The following VWCE variants were observed in gnomAD, a reference collection of about 807,000 sequenced individuals.
VWCE encodes von Willebrand factor C and EGF domain-containing protein.
Under a neutral mutation model 102.9 loss-of-function variants are expected in VWCE, and 68 were observed. The observed-to-expected ratio is 0.66, with a 90% CI of 0.54 to 0.81. The LOEUF is 0.81. Ranked by LOEUF, VWCE falls within the 30% of genes least tolerant of loss-of-function variation. The pLI is 0.00. For missense variants in VWCE, 1,137 were observed against 1,263.6 expected (o/e 0.90, Z 1.52); for synonymous variants, 497 against 515.4 (o/e 0.96, Z 0.48).
At chr11:61,288,484 C>T (rs1274258977) in intron 4 of VWCE, among the ~76,000 whole-genome samples, 1 of 152,158 alleles carries the variant, frequency 6.6e-6, no homozygotes, top group Non-Finnish European at 1.5e-5. Flanking sequence ...CTCTTCCCAA[C>T]AGCTGGACCG....
intron 4 of VWCE, 115 bp downstream of exon 4, chr11:61,290,684 C>T: frequency 8.3e-7 from 1 of 1,212,094 alleles, no homozygotes. Flanking sequence ...ACATCAGAGC[C>T]TATCTTGGCT....
intron 4 of VWCE, 132 bp from the exon 5 acceptor site, chr11:61,286,562 G>T (rs1855334892): frequency 6.5e-6 from 5 of 763,960 alleles, no homozygotes; most frequent in Non-Finnish European, 1.1e-5. Context: ...CAGCACTTTG[G>T]GAGGCCGAGG....
chr11:61,278,243 A>AAT (rs1854990533), intron 10 of VWCE, 151 bp downstream of exon 10: 1 of 827,392 alleles, frequency 1.2e-6, no homozygotes, highest in South Asian at 1.7e-5. Context: ...CCCCTTTTAA[A>AAT]TTCTACAGCT....
Position 61,294,896 on chromosome 11 carries a change from C to T in VWCE, c.110+32G>A, listed in dbSNP as rs934165567. On this transcript the variant is annotated intron_variant, in intron 1 of 19. Coordinates refer to ENST00000335613, the MANE Select transcript of VWCE (RefSeq NM_152718.2). The surrounding 1 kb of genome is among the most constrained non-coding windows in gnomAD (Gnocchi z 6.3). ...TGCACGCCGGTAGCGCTCTCCCGGGCGGGGGAGCGGGGAGGAGCTCCGGGC... is the reference window on the plus strand; with the variant it reads ...TGCACGCCGGTAGCGCTCTCCCGGGTGGGGGAGCGGGGAGGAGCTCCGGGC... The T allele has an allele frequency of 1.0e-5, 14 of 1,346,754 alleles. No homozygotes were observed. The African/African-American group carries it at 1.7e-4, about 16-fold the overall frequency. The allele number at this position is 1,346,754 out of a possible 1,614,324, so 83.4% of individuals were successfully genotyped here.
In VWCE at chr11:61,282,804, G is replaced by C. The variant is rs748242243; in HGVS notation, c.643C>G (p.Arg215Gly). The C allele has an allele frequency of 1.9e-5, 31 of 1,613,988 alleles. No individual in the cohort carries two copies. Among genetic ancestry groups the C allele is most frequent in the Non-Finnish European group, 1.2e-5 (14 of 1,179,988 alleles). Residue 215 changes from arginine to glycine, a missense_variant, in exon 6 of 20, where the codon CGG (arginine) becomes GGG (glycine). Coordinates refer to ENST00000335613, the MANE Select transcript of VWCE (RefSeq NM_152718.2). Reference sequence around the variant, plus strand: ...CCCGCCTTACCTACACAGGAGTGCCGGTTGCCATGAAGGTGGAAGCCAGTT... The same window carrying C: ...CCCGCCTTACCTACACAGGAGTGCCCGTTGCCATGAAGGTGGAAGCCAGTT... ...CRTGFHLHGN[R>G]HSCVDVNECR...
At chr11:61,277,901 C>T (rs1327777313) in intron 10 of VWCE, among the ~76,000 whole-genome samples, 3 of 151,972 alleles carry the variant, frequency 2.0e-5, no homozygotes, top group East Asian at 1.9e-4. Context: ...AGCAGTGGCG[C>T]GATCTCAGCT....
chr11:61,267,222 C>T (rs2134747977), intron 16 of VWCE, among the ~76,000 whole-genome samples: 1 of 152,308 alleles, frequency 6.6e-6, no homozygotes, highest in Admixed American at 6.5e-5. Context: ...CACACCACTG[C>T]ACTCCAACCT....
chr11:61,258,383 T>A lies in VWCE; in HGVS notation c.*292A>T, dbSNP rs1395483845. On this transcript the variant is annotated 3_prime_UTR_variant, in exon 20 of 20. Coordinates refer to ENST00000335613, the MANE Select transcript of VWCE (RefSeq NM_152718.2). ...GAGTGGAATCCCAGCCGGACGCAAC[T>A]CTTCCTCCAGGAGAACTTGGCAGTC... 1 of 279,794 alleles carries A rather than the reference T, an allele frequency of 3.6e-6. No individual in the cohort carries two copies. The highest frequency in any genetic ancestry group is 6.6e-6 in the Non-Finnish European group (1 of 150,920). 17.3% of individuals were successfully genotyped at this position (279,794 alleles called of 1,614,324 possible).
chr11:61,273,536 C>CCAGGAGGGCATCA (rs1854804320), intron 12 of VWCE, among the ~76,000 whole-genome samples: 1 of 152,138 alleles, frequency 6.6e-6, no homozygotes, highest in East Asian at 1.9e-4. Flanking sequence ...GGGTGTGAGC[C>CCAGGAGGGCATCA]CAGGAGGGCA....
chr11:61,294,467 T>C lies in VWCE; in HGVS notation c.110+461A>G, dbSNP rs1855610742. On this transcript the variant is annotated intron_variant, in intron 1 of 19. Coordinates refer to ENST00000335613, the MANE Select transcript of VWCE (RefSeq NM_152718.2). This position sits in a 1 kb window ranked among gnomAD's most constrained non-coding sequence, Gnocchi z 6.3. ...ACACGCACGGACAGAAAACGAAAAG[T>C]GACCCAGAGACCCCGGCTGTTCCAA... Among the ~76,000 whole-genome samples, 1 of 152,068 alleles carries C rather than the reference T, an allele frequency of 6.6e-6. No individual in the cohort carries two copies. The highest frequency in any genetic ancestry group is 6.5e-5 in the Admixed American group (1 of 15,284).
Position 61,280,959 on chromosome 11 carries a change from C to T in VWCE, c.1064G>A (p.Arg355Lys), listed in dbSNP as rs1408830919. 1 of 1,534,564 alleles carries T rather than the reference C, an allele frequency of 6.5e-7. No homozygotes were observed. The highest frequency in any genetic ancestry group is 2.1e-5 in the Admixed American group (1 of 47,536). The change falls in exon 8 of 20, where the codon AGA becomes AAA. Residue 355 changes from arginine (R) to lysine (K), a missense_variant. Transcript: ENST00000335613. ...CTCCCCCTGAAGGAGTGAGGGGGGT[C>T]TGAGGTTCCCCAGCAGGGAGGCAGT... The part of the protein sequence containing the change: ...VPTASLLGNL[R>K]PPSLLQGEVM...
At chr11:61,286,063 C>A (rs1056672971) in intron 5 of VWCE, among the ~76,000 whole-genome samples, 2 of 152,080 alleles carry the variant, frequency 1.3e-5, no homozygotes, top group African/African-American at 2.4e-5. Flanking sequence ...CAGCAGCAGT[C>A]GGTTCTAACT....
chr11:61,294,853 C>T lies in VWCE; in HGVS notation c.110+75G>A. 2 of 1,070,480 alleles carry T rather than the reference C, an allele frequency of 1.9e-6. No individual in the cohort carries two copies. Among genetic ancestry groups the T allele is most frequent in the South Asian group, 5.4e-5 (2 of 36,876 alleles). 66.3% of individuals were successfully genotyped at this position (1,070,480 alleles called of 1,614,324 possible). A position where few individuals can be genotyped will look rare whatever the true frequency, so the allele number is the denominator to read the frequency against. ...GCGGCTGCCTGCGGCTCCTGAGCGC[C>T]CCTCCGCGCCTCTCGACTGCACGCC... On this transcript the variant is annotated intron_variant, in intron 1 of 19. Transcript: ENST00000335613. This position sits in a 1 kb window ranked among gnomAD's most constrained non-coding sequence, Gnocchi z 6.3.
chr11:61,275,535 G>C (rs192232378), intron 11 of VWCE, among the ~76,000 whole-genome samples: 2 of 152,220 alleles, frequency 1.3e-5, no homozygotes, highest in East Asian at 3.9e-4. Flanking sequence ...CACTTAAAAA[G>C]AACACCAGCT....
At chr11:61,281,941 C>A in intron 6 of VWCE, 27 bp from the exon 7 acceptor site, 1 of 1,603,082 alleles carries the variant, frequency 6.2e-7, no homozygotes, top group Non-Finnish European at 8.5e-7. Flanking sequence ...CTGCGGACAG[C>A]TGCTTTGTTT....
rs768146931 is a variant in VWCE, at chr11:61,258,583, C to T, written c.*92G>A. On this transcript the variant is annotated 3_prime_UTR_variant, in exon 20 of 20. Coordinates refer to ENST00000335613, the MANE Select transcript of VWCE (RefSeq NM_152718.2). ...CCCTGCAGGAGGGAGCCCAGGCATC[C>T]CCACCAGGTTCATCCTTGGAGCTGC... is the stretch of plus-strand genomic sequence containing the variant. The T allele has an allele frequency of 9.8e-5, 124 of 1,259,942 alleles. No homozygotes were observed. The highest frequency in any genetic ancestry group is 3.1e-4 in the Middle Eastern group (1 of 3,258). The allele number at this position is 1,259,942 out of a possible 1,614,324, so 78.0% of individuals were successfully genotyped here.
rs757056205 is a variant in VWCE at position 61,276,631 on chromosome 11, T to G, written c.1457A>C (p.Gln486Pro). ...ACAGCAATCCGTCTGTGGGGGGGTCTGACAGGGGCCAGAAGGACACTCAGG... is the reference window on the plus strand; with the variant it reads ...ACAGCAATCCGTCTGTGGGGGGGTCGGACAGGGGCCAGAAGGACACTCAGG... ...ISPECPSGPC[Q>P]TPPQTDCCTC... The change falls in exon 11 of 20, where the codon CAG becomes CCG. Residue 486 changes from glutamine (Q) to proline (P), a missense_variant. By Grantham distance (76) the Gln-to-Pro change is moderately conservative. Coordinates refer to ENST00000335613, the MANE Select transcript of VWCE (RefSeq NM_152718.2). 17 of 1,606,190 alleles carry G rather than the reference T, an allele frequency of 1.1e-5. No individual in the cohort carries two copies. The highest frequency in any genetic ancestry group is 8.5e-7 in the Non-Finnish European group (1 of 1,176,664).
chr11:61,263,261 C>T (rs186662464), intron 19 of VWCE, among the ~76,000 whole-genome samples: 3 of 150,464 alleles, frequency 2.0e-5, no homozygotes, highest in East Asian at 3.9e-4. Context: ...GAGCTGAGAT[C>T]GCGCCACTGC....
chr11:61,280,969 C>T lies in VWCE; in HGVS notation c.1054G>A (p.Gly352Arg), dbSNP rs1470414683. ...ATPVPTASLLGNLRPPSLLQG... is the reference protein window; with the variant it reads ...ATPVPTASLLRNLRPPSLLQG... ...AGGAGTGAGGGGGGTCTGAGGTTCC[C>T]CAGCAGGGAGGCAGTAGGCACTGGG... Residue 352 changes from glycine to arginine, a missense_variant, in exon 8 of 20, where the codon GGG becomes AGG. By Grantham distance (125) the Gly-to-Arg change is moderately radical. This residue lies in a region of VWCE where 575 missense variants were observed against 625.9 expected (regional missense o/e 0.92). Coordinates refer to ENST00000335613, the MANE Select transcript of VWCE (RefSeq NM_152718.2). 1.3e-6 allele frequency: 2 copies of T among 1,536,162 alleles called. No homozygotes were observed. The highest frequency in any genetic ancestry group is 4.5e-5 in the East Asian group (2 of 44,182).
Sources: gnomAD v4.1 joint callset for allele counts (sites outside exome capture counted in the v4.1 genomes callset) on GRCh38, gnomAD v4.1.1 for gene constraint, gnomAD v4.1.1 regional missense constraint, Gnocchi (gnomAD v3.1) non-coding constraint, MANE v1.5 for transcripts, NCBI Gene and HGNC (gene_info 2026-07-23, HGNC 2026-07-21) for gene names.